Variants in BMPER observed in about 807,000 individuals in gnomAD.
BMPER encodes BMP binding endothelial regulator, also known as BMP-binding endothelial regulator protein.
A neutral mutation model predicts 87.3 loss-of-function variants in BMPER; 45 were observed. The observed-to-expected ratio is 0.52, with a 90% CI of 0.41 to 0.66. The LOEUF (loss-of-function observed/expected upper bound fraction) is 0.66. Among genes scored for constraint, BMPER ranks in the 30% least tolerant of loss-of-function variants. The pLI is 0.00. For missense variants in BMPER, 784 were observed against 867.5 expected (o/e 0.90, Z 1.21); for synonymous variants, 326 against 316.2 (o/e 1.03, Z -0.33).
At chr7:34,035,959 T>C (rs573912517) in intron 6 of BMPER, among the ~76,000 whole-genome samples, 1 of 152,320 alleles carries the variant, frequency 6.6e-6, no homozygotes, top group African/African-American at 2.4e-5. Context: ...TTTGTAGAAG[T>C]CTTGAGCAGT....
chr7:34,128,209 A>C (rs1206235200), intron 13 of BMPER, among the ~76,000 whole-genome samples: 1 of 152,118 alleles, frequency 6.6e-6, no homozygotes, highest in Admixed American at 6.5e-5. Context: ...TGCCTGGGTA[A>C]AACTTATTTT....
rs73322307 is a variant in BMPER, at chr7:34,136,325, G to C, written c.1746-6905G>C. Among the ~76,000 whole-genome samples the C allele has an allele frequency of 5.9e-5, 9 of 152,214 alleles. No individual in the cohort carries two copies. In the East Asian group the frequency reaches 1.4e-3, roughly 23 times the overall value. ...GAAGGATAAGAATGAGTGTGTGAACGTGCCTGTATAGGGCTGAGGAAAAGA... is the reference window on the plus strand; with the variant it reads ...GAAGGATAAGAATGAGTGTGTGAACCTGCCTGTATAGGGCTGAGGAAAAGA... On this transcript the variant is annotated intron_variant, in intron 13 of 14. Transcript: ENST00000649409.
In BMPER at chr7:34,113,926, C is replaced by T. The variant is rs576783745; in HGVS notation, c.1745+27834C>T. Among the ~76,000 whole-genome samples the T allele has an allele frequency of 1.8e-3, 277 of 152,246 alleles. 2 individuals are homozygous for T. The highest frequency in any genetic ancestry group is 0.016 in the South Asian group (76 of 4,818). Reference sequence around the variant, plus strand: ...CTTGTCTTTTTCCTGCTAGTTTCTTCTTCCAGTGGTTTTAAGTACAACTGT... The same window carrying T: ...CTTGTCTTTTTCCTGCTAGTTTCTTTTTCCAGTGGTTTTAAGTACAACTGT... On this transcript the variant is annotated intron_variant, in intron 13 of 14. Transcript: ENST00000649409.
chr7:33,935,456 T>C (rs551390239), intron 2 of BMPER, among the ~76,000 whole-genome samples: 1 of 152,234 alleles, frequency 6.6e-6, no homozygotes, highest in African/African-American at 2.4e-5. Flanking sequence ...GCAGTCTTTG[T>C]TAAGAACTCC....
At chr7:34,076,809 G>A (rs1207020055) in intron 11 of BMPER, among the ~76,000 whole-genome samples, 2 of 152,044 alleles carry the variant, frequency 1.3e-5, no homozygotes, top group Admixed American at 6.6e-5. Flanking sequence ...GCAGGTTGTG[G>A]GCATTCCCTG....
At chr7:34,007,660 C>G (rs772086896) in intron 6 of BMPER, among the ~76,000 whole-genome samples, 2 of 151,752 alleles carry the variant, frequency 1.3e-5, no homozygotes, top group Non-Finnish European at 2.9e-5. Context: ...GCATGTTATT[C>G]CATTGATAGA....
At chr7:33,959,627 G>T (rs866597939) in intron 3 of BMPER, among the ~76,000 whole-genome samples, 2 of 152,178 alleles carry the variant, frequency 1.3e-5, no homozygotes, top group African/African-American at 4.8e-5. Flanking sequence ...GGTGGGTGAT[G>T]TATAAAAAGT....
chr7:33,992,887 G>T, intron 6 of BMPER, among the ~76,000 whole-genome samples: 1 of 134,846 alleles, frequency 7.4e-6, no homozygotes, highest in Non-Finnish European at 1.6e-5. Context: ...AGCTTAGTTT[G>T]GCTGGATATG....
intron 14 of BMPER, among the ~76,000 whole-genome samples, chr7:34,145,840 A>C (rs996691134): frequency 2.0e-5 from 3 of 152,150 alleles, no homozygotes; most frequent in Non-Finnish European, 4.4e-5. Context: ...TGAGGACTAC[A>C]CATTTCATGT....
At chr7:33,909,924 C>G (rs186130620) in intron 2 of BMPER, among the ~76,000 whole-genome samples, 200 of 152,262 alleles carry the variant, frequency 1.3e-3, no homozygotes, top group Non-Finnish European at 2.2e-3. Context: ...GCAGTGGCCA[C>G]TGTAAGCAGA....
At chr7:33,919,922 C>CCT (rs1460230129) in intron 2 of BMPER, among the ~76,000 whole-genome samples, 1 of 62,274 alleles carries the variant, frequency 1.6e-5, no homozygotes, top group Middle Eastern at 7.9e-3. Context: ...TATCTGTGTA[C>CCT]ATATCTATCT....
intron 3 of BMPER, among the ~76,000 whole-genome samples, chr7:33,948,310 A>G (rs1469615532): frequency 4.6e-5 from 7 of 152,200 alleles, no homozygotes; most frequent in Admixed American, 4.6e-4. Flanking sequence ...AGAGAAGACA[A>G]TCCTCCAATC....
chr7:33,910,230 C>T (rs1404709765), intron 2 of BMPER, among the ~76,000 whole-genome samples: 4 of 152,182 alleles, frequency 2.6e-5, no homozygotes, highest in East Asian at 1.9e-4. Flanking sequence ...TTTATGGGGC[C>T]GAGGAAAGGA....
intron 13 of BMPER, among the ~76,000 whole-genome samples, chr7:34,094,381 G>A (rs879900046): frequency 1.3e-5 from 2 of 152,156 alleles, no homozygotes; most frequent in Admixed American, 6.5e-5. Context: ...GGGTGGGCCT[G>A]GGGGTGGCCG....
chr7:34,097,923 C>T (rs1164966613), intron 13 of BMPER, among the ~76,000 whole-genome samples: 1 of 152,110 alleles, frequency 6.6e-6, no homozygotes, highest in Non-Finnish European at 1.5e-5. Context: ...CTTATGCACA[C>T]CTAGATAGAC....
At position 34,143,218 on chromosome 7, in the gene BMPER, T is replaced by G. The variant is rs1226931214; in HGVS notation, c.1746-12T>G. ...TTTTTAAATGTTTCTATCTCTCTTT[T>G]GGGTCCTATAGGTCCTGTGTGACAG... On this transcript the variant is annotated splice_polypyrimidine_tract_variant and intron_variant, in intron 13 of 14. Coordinates refer to ENST00000649409, the MANE Select transcript of BMPER (RefSeq NM_001365308.1). 5 of 1,613,738 alleles carry G rather than the reference T, an allele frequency of 3.1e-6. No individual in the cohort carries two copies. The highest frequency in any genetic ancestry group is 1.7e-6 in the Non-Finnish European group (2 of 1,179,808).
At chr7:34,131,603 C>T (rs1167145099) in intron 13 of BMPER, among the ~76,000 whole-genome samples, 1 of 152,128 alleles carries the variant, frequency 6.6e-6, no homozygotes, top group Non-Finnish European at 1.5e-5. Flanking sequence ...GTGACTGCTG[C>T]GTGTGGCTGG....
chr7:33,913,329 A>G (rs1359613020), intron 2 of BMPER, among the ~76,000 whole-genome samples: 1 of 152,208 alleles, frequency 6.6e-6, no homozygotes, highest in African/African-American at 2.4e-5. Flanking sequence ...AATAATAAGG[A>G]TATCAGTTCC....
intron 13 of BMPER, among the ~76,000 whole-genome samples, chr7:34,125,923 T>A (rs1488750086): frequency 6.6e-6 from 1 of 152,192 alleles, no homozygotes; most frequent in Non-Finnish European, 1.5e-5. Flanking sequence ...AGTGGGAGCA[T>A]TTGCCATTCC....
Sources: gnomAD v4.1 joint callset for allele counts (sites outside exome capture counted in the v4.1 genomes callset) on GRCh38, gnomAD v4.1.1 for gene constraint, MANE v1.5 for transcripts, NCBI Gene and HGNC (gene_info 2026-07-23, HGNC 2026-07-21) for gene names.